Variants in MICAL2 observed in about 807,000 individuals in gnomAD.
The protein encoded by MICAL2 is microtubule associated monooxygenase, calponin and LIM domain containing 2, also known as [F-actin]-monooxygenase MICAL2.
MICAL2 carries 77 observed loss-of-function variants against 127.3 expected under a neutral mutation model. That is an observed-to-expected ratio of 0.60 (90% confidence interval 0.50 to 0.73). The LOEUF is 0.73. MICAL2 is among the 30% of genes least tolerant of loss of function. The pLI, the probability that MICAL2 is intolerant of heterozygous loss-of-function variation, is 0.00. For synonymous variants in MICAL2, 570 were observed against 551.1 expected (o/e 1.03, Z -0.48); for missense variants, 1,351 against 1,434.4 (o/e 0.94, Z 0.94).
At chr11:12,325,005 G>A (rs1209879083) in intron 31 of MICAL2, among the ~76,000 whole-genome samples, 2 of 151,348 alleles carry the variant, frequency 1.3e-5, no homozygotes, top group African/African-American at 4.9e-5. Flanking sequence ...CATCCCAGAT[G>A]GTTGTGATGA....
chr11:12,143,286 T>C (rs1424519148), intron 2 of MICAL2, among the ~76,000 whole-genome samples: 1 of 152,188 alleles, frequency 6.6e-6, no homozygotes, highest in Non-Finnish European at 1.5e-5. Context: ...GGCATGCTTT[T>C]TTCTTAGCTG....
chr11:12,256,851 C>A lies in MICAL2; in HGVS notation c.3022C>A (p.Arg1008Ser). 6.2e-7 allele frequency: 1 copy of A among 1,614,194 alleles called. No individual in the cohort carries two copies. Among genetic ancestry groups the A allele is most frequent in the East Asian group, 2.2e-5 (1 of 44,892 alleles). The change falls in exon 24 of 28, where the codon CGT becomes AGT. Residue 1008 changes from arginine to serine, a missense_variant. By Grantham distance (110) the Arg-to-Ser change is moderately radical. Coordinates refer to ENST00000683283, the MANE Select transcript of MICAL2 (RefSeq NM_001282663.2). Reference sequence around the variant, plus strand: ...CGACACGTGTTACTTCTGTAAGAAACGTGTGTACGTGATGGAACGGCTGAG... The same window carrying A: ...CGACACGTGTTACTTCTGTAAGAAAAGTGTGTACGTGATGGAACGGCTGAG... ...GSDTCYFCKK[R>S]VYVMERLSAE...
At chr11:12,226,114 C>T in intron 13 of MICAL2, 57 bp from the exon 14 acceptor site, 1 of 1,567,420 alleles carries the variant, frequency 6.4e-7, no homozygotes, top group South Asian at 1.1e-5. Flanking sequence ...AGGTGCTCAG[C>T]TCGCCACACC....
At chr11:12,319,592 A>T in intron 29 of MICAL2, 1 of 795,172 alleles carries the variant, frequency 1.3e-6, no homozygotes, top group Non-Finnish European at 2.1e-6. Context: ...GAGGGCAGGG[A>T]GGAAGGGAAT....
At chr11:12,301,242 A>T (rs1479664072) in intron 29 of MICAL2, among the ~76,000 whole-genome samples, 2 of 152,166 alleles carry the variant, frequency 1.3e-5, no homozygotes, top group African/African-American at 4.8e-5. Flanking sequence ...ATTCTGGGAG[A>T]TACAATTCAA....
intron 1 of MICAL2, among the ~76,000 whole-genome samples, chr11:12,123,609 G>A (rs540721881): frequency 1.1e-3 from 171 of 152,296 alleles, no homozygotes; most frequent in Middle Eastern, 6.8e-3. Flanking sequence ...TATGTGAGGC[G>A]GTGACAGCTA....
intron 32 of MICAL2, among the ~76,000 whole-genome samples, chr11:12,336,921 T>G (rs1217690437): frequency 6.6e-6 from 1 of 152,162 alleles, no homozygotes; most frequent in African/African-American, 2.4e-5. Flanking sequence ...TCTCTTTTTT[T>G]GTTGTGTCTC....
At chr11:12,255,069 C>T (rs1382246118) in intron 22 of MICAL2, 1 of 153,548 alleles carries the variant, frequency 6.5e-6, no homozygotes, top group Non-Finnish European at 1.4e-5. Context: ...CAGGCATGCA[C>T]CACCATGCCT....
At chr11:12,295,754 A>C (rs1006590516), downstream of MICAL2, among the ~76,000 whole-genome samples, 1 of 151,998 alleles carries the variant, frequency 6.6e-6, no homozygotes, top group African/African-American at 2.4e-5. Flanking sequence ...GCCAATTACC[A>C]TGTAGTATAC....
downstream of MICAL2, among the ~76,000 whole-genome samples, chr11:12,361,285 T>C (rs1198332947): frequency 1.3e-5 from 2 of 152,210 alleles, no homozygotes; most frequent in Non-Finnish European, 2.9e-5. Context: ...GATTTATTGG[T>C]CTATTTATTT....
Position 12,319,841 on chromosome 11 carries a change from CT to C in MICAL2, c.5328+32del, listed in dbSNP as rs776046976. The C allele has an allele frequency of 4.0e-5, 62 of 1,542,942 alleles. No homozygotes were observed. The Middle Eastern group carries it at 5.0e-4, about 13-fold the overall frequency. On this transcript the variant is annotated intron_variant, in intron 30 of 34. Transcript: ENST00000646065. ...CAACACTTGACCAGCCAAAGAGGGC[CT>C]TGGCTGGTGGGGGCTGCTTACCATC...
chr11:12,136,759 G>A (rs117264442), intron 1 of MICAL2, among the ~76,000 whole-genome samples: 3,592 of 152,230 alleles, frequency 0.024, 67 homozygotes, highest in South Asian at 0.11. Context: ...TGGACACAGT[G>A]TGCCCAGGCC....
chr11:12,167,106 A>T (rs1019169372), intron 3 of MICAL2, among the ~76,000 whole-genome samples: 11 of 152,110 alleles, frequency 7.2e-5, no homozygotes, highest in Non-Finnish European at 1.5e-4. Context: ...CCTGATTCCC[A>T]ATCCTGTCCA....
intron 29 of MICAL2, among the ~76,000 whole-genome samples, chr11:12,298,864 A>G (rs1356731925): frequency 6.6e-6 from 1 of 152,098 alleles, no homozygotes. Context: ...ATGTGTTATT[A>G]CTTTGTCTTA....
Position 12,110,788 on chromosome 11 carries a change from T to G in MICAL2, c.-149+62T>G, listed in dbSNP as rs1474268218. The G allele has an allele frequency of 6.6e-6, 1 of 151,806 alleles. No homozygotes were observed. The allele number at this position is 151,806 out of a possible 1,614,324, so 9.4% of individuals were successfully genotyped here. ...GGCGGGCGGGCGCGGGTGGGGACCG[T>G]GCCAGCCTCGGCTGGACTCTGCGCC... On this transcript the variant is annotated intron_variant, in intron 1 of 27. Transcript: ENST00000683283. This position sits in a 1 kb window ranked among gnomAD's most constrained non-coding sequence, Gnocchi z 4.5.
chr11:12,260,331 T>G (rs932338421), intron 26 of MICAL2: 1 of 1,413,140 alleles, frequency 7.1e-7, no homozygotes, highest in Non-Finnish European at 9.2e-7. Context: ...CCTGGCCTTA[T>G]CAGGGTGAAC....
At chr11:12,350,953 G>A (rs917636478) in intron 33 of MICAL2, among the ~76,000 whole-genome samples, 1 of 152,122 alleles carries the variant, frequency 6.6e-6, no homozygotes, top group Non-Finnish European at 1.5e-5. Flanking sequence ...CTGGCTCCAG[G>A]CTTTCCTGAG....
intron 29 of MICAL2, among the ~76,000 whole-genome samples, chr11:12,313,711 A>AT (rs908471495): frequency 4.6e-5 from 7 of 151,158 alleles, no homozygotes; most frequent in Admixed American, 2.0e-4. Context: ...ATCCTTGCTG[A>AT]TTTTTTTTTA....
At chr11:12,234,843 G>A (rs1377849900) in intron 15 of MICAL2, among the ~76,000 whole-genome samples, 1 of 152,220 alleles carries the variant, frequency 6.6e-6, no homozygotes, top group Non-Finnish European at 1.5e-5. Context: ...GGAGGTAAAA[G>A]AATCCTCCTG....
Sources: allele counts gnomAD v4.1 joint callset (sites outside exome capture counted in the v4.1 genomes callset), GRCh38; gene constraint gnomAD v4.1.1; non-coding constraint Gnocchi (gnomAD v3.1); transcripts MANE v1.5; gene names NCBI Gene and HGNC (gene_info 2026-07-23, HGNC 2026-07-21).